ASIC1: variants seen among roughly 807,000 people sequenced by gnomAD.
The protein encoded by ASIC1 is acid sensing ion channel subunit 1, also known as acid-sensing ion channel 1.
ASIC1 carries 21 observed loss-of-function variants against 63.4 expected under a neutral mutation model. The ratio of observed to expected loss-of-function variants is 0.33; its 90% CI spans 0.23 to 0.48. ASIC1 has a LOEUF of 0.48. Among genes scored for constraint, ASIC1 ranks in the 20% least tolerant of loss-of-function variants. The probability of loss-of-function intolerance (pLI) is 0.99; values close to 1 mark genes in which losing one functional copy is unlikely to be tolerated. For missense variants in ASIC1, 478 were observed against 695.5 expected (o/e 0.69, Z 3.52); for synonymous variants, 258 against 278.2 (o/e 0.93, Z 0.72).
At chr12:50,064,511 T>A (rs1950529112) in intron 3 of ASIC1, among the ~76,000 whole-genome samples, 1 of 152,198 alleles carries the variant, frequency 6.6e-6, no homozygotes, top group Admixed American at 6.5e-5. Flanking sequence ...TCTAAGCTAA[T>A]TGACCTGGGG....
At position 50,059,830 on chromosome 12, in the gene ASIC1, G is replaced by T; in HGVS notation, c.434G>T (p.Arg145Leu). The change falls in exon 3 of 12, where the codon CGC becomes CTC. Residue 145 changes from arginine to leucine, a missense_variant. Physicochemically the swap from Arg to Leu is moderately radical, Grantham distance 102. Transcript: ENST00000447966. The surrounding 1 kb of genome is among the most constrained non-coding windows in gnomAD (Gnocchi z 4.6). ...ATACTGCAGGACAAAGCCAACTTCC[G>T]CAGCTTCAAACCCAAACCCTTCAAC... Reference protein sequence around the residue: ...LEILQDKANFRSFKPKPFNMR... With the variant: ...LEILQDKANFLSFKPKPFNMR... The T allele has an allele frequency of 6.2e-7, 1 of 1,614,146 alleles. No individual in the cohort carries two copies. Among genetic ancestry groups the T allele is most frequent in the African/African-American group, 1.3e-5 (1 of 75,028 alleles).
chr12:50,073,982 T>TC, intron 3 of ASIC1: 1 of 1,535,806 alleles, frequency 6.5e-7, no homozygotes, highest in Non-Finnish European at 8.7e-7. Flanking sequence ...GAGCTGGCCT[T>TC]CCCGGCAGTC....
chr12:50,062,495 G>C (rs1950509473), intron 3 of ASIC1, among the ~76,000 whole-genome samples: 1 of 152,338 alleles, frequency 6.6e-6, no homozygotes, highest in South Asian at 2.1e-4. Context: ...AGGCTTTGTG[G>C]TTAGGGCTTT....
At chr12:50,062,325 C>T (rs1239481688) in intron 3 of ASIC1, among the ~76,000 whole-genome samples, 1 of 152,210 alleles carries the variant, frequency 6.6e-6, no homozygotes, top group East Asian at 1.9e-4. Context: ...CTCTGCTAGG[C>T]CAAGAGGTGT....
intron 3 of ASIC1, among the ~76,000 whole-genome samples, chr12:50,060,198 C>G (rs1184546332): frequency 6.6e-6 from 1 of 152,222 alleles, no homozygotes; most frequent in Non-Finnish European, 1.5e-5. Flanking sequence ...GTGCACAACA[C>G]ACACATATAT....
intron 3 of ASIC1, 118 bp from the exon 4 acceptor site, chr12:50,077,095 C>T (rs576846713): frequency 6.0e-6 from 9 of 1,508,908 alleles, no homozygotes; most frequent in Admixed American, 1.7e-5. Context: ...ATGGGCTGCA[C>T]GGGAGGAACC....
intron 3 of ASIC1, among the ~76,000 whole-genome samples, chr12:50,072,581 A>G (rs925189460): frequency 6.6e-6 from 1 of 152,144 alleles, no homozygotes; most frequent in Non-Finnish European, 1.5e-5. Context: ...CCCCACCCCC[A>G]GCACTGATCT....
intron 3 of ASIC1, among the ~76,000 whole-genome samples, chr12:50,067,540 G>A (rs1950557742): frequency 6.6e-6 from 1 of 151,960 alleles, no homozygotes; most frequent in African/African-American, 2.4e-5. Flanking sequence ...CTCCTGAGTA[G>A]CTGGATTACA....
Position 50,081,732 on chromosome 12 carries a change from C to T in ASIC1, c.*83C>T. On this transcript the variant is annotated 3_prime_UTR_variant, in exon 12 of 12. Transcript: ENST00000447966. Reference sequence around the variant, plus strand: ...CCCCCAGCTGCCTCCTCACATCTGCCCTGGGGACTCCCCACACTCCGGGGC... The same window carrying T: ...CCCCCAGCTGCCTCCTCACATCTGCTCTGGGGACTCCCCACACTCCGGGGC... 1 of 1,254,206 alleles carries T rather than the reference C, an allele frequency of 8.0e-7. No homozygotes were observed. Among genetic ancestry groups the T allele is most frequent in the East Asian group, 2.5e-5 (1 of 39,920 alleles). The allele number at this position is 1,254,206 out of a possible 1,614,324, so 77.7% of individuals were successfully genotyped here. A position where few individuals can be genotyped will look rare whatever the true frequency, so the allele number is the denominator to read the frequency against.
At chr12:50,064,255 G>A (rs577761940) in intron 3 of ASIC1, among the ~76,000 whole-genome samples, 2 of 152,244 alleles carry the variant, frequency 1.3e-5, no homozygotes, top group East Asian at 3.9e-4. Flanking sequence ...CCTAGGAAGT[G>A]CCTAAACTGA....
intron 3 of ASIC1, among the ~76,000 whole-genome samples, chr12:50,066,405 T>A (rs1950546142): frequency 6.6e-6 from 1 of 151,984 alleles, no homozygotes; most frequent in African/African-American, 2.4e-5. Flanking sequence ...AGAAGCAGTG[T>A]GGAGAGGCAG....
At position 50,081,925 on chromosome 12, in the gene ASIC1, C is replaced by T; in HGVS notation, c.*276C>T. On this transcript the variant is annotated 3_prime_UTR_variant, in exon 12 of 12. Coordinates refer to ENST00000447966, the MANE Select transcript of ASIC1 (RefSeq NM_001095.4). ...CCCCTCTCTCCTCCATGCTGCCTCC[C>T]CTAGCTCCCAGCCTGAATTCTGTCT... 2 of 468,136 alleles carry T rather than the reference C, an allele frequency of 4.3e-6. No individual in the cohort carries two copies. The highest frequency in any genetic ancestry group is 2.6e-5 in the South Asian group (1 of 38,306). 29.0% of individuals were successfully genotyped at this position (468,136 alleles called of 1,614,324 possible).
At position 50,058,641 on chromosome 12, in the gene ASIC1, G is replaced by T; in HGVS notation, c.-16-110G>T. On this transcript the variant is annotated intron_variant, in intron 1 of 11. Coordinates refer to ENST00000447966, the MANE Select transcript of ASIC1 (RefSeq NM_001095.4). ...TGCAAAGCAGGGAAGTCTTCTGCCC[G>T]AGGAGTGGTGACCTCTGGAGATGAG... 5 of 1,372,280 alleles carry T rather than the reference G, an allele frequency of 3.6e-6. No homozygotes were observed. The South Asian group carries it at 7.4e-5, about 20-fold the overall frequency. 85.0% of individuals were successfully genotyped at this position (1,372,280 alleles called of 1,614,324 possible).
Position 50,078,347 on chromosome 12 carries a change from T to C in ASIC1, c.838-74T>C. 6.3e-7 allele frequency: 1 copy of C among 1,581,144 alleles called. No individual in the cohort carries two copies. Among genetic ancestry groups the C allele is most frequent in the Non-Finnish European group, 8.6e-7 (1 of 1,159,576 alleles). ...GAGCAGAACTCCAGAGATCTGCATC[T>C]TGTCAGAGGAGTCCATCAAGCTGAT... On this transcript the variant is annotated intron_variant, in intron 5 of 11. Coordinates refer to ENST00000447966, the MANE Select transcript of ASIC1 (RefSeq NM_001095.4). The surrounding 1 kb of genome is among the most constrained non-coding windows in gnomAD (Gnocchi z 6.0).
intron 7 of ASIC1, 36 bp downstream of exon 7, chr12:50,079,016 GA>G (rs1950687545): frequency 3.1e-6 from 5 of 1,603,646 alleles, no homozygotes; most frequent in Non-Finnish European, 3.4e-6. Flanking sequence ...CTGGGGGAGG[GA>G]AAAGGTGCTG....
At chr12:50,064,566 G>A (rs756210287) in intron 3 of ASIC1, among the ~76,000 whole-genome samples, 52 of 152,184 alleles carry the variant, frequency 3.4e-4, no homozygotes, top group Non-Finnish European at 1.8e-4. Flanking sequence ...AAGTGCCTCT[G>A]GGGGCCAAGC....
chr12:50,080,310 A>G, intron 8 of ASIC1, 188 bp from the exon 9 acceptor site: 1 of 766,650 alleles, frequency 1.3e-6, no homozygotes, highest in Admixed American at 2.6e-5. Context: ...TGCATACTGC[A>G]TATGGTACAG....
chr12:50,068,314 A>G (rs1410959680), intron 3 of ASIC1, among the ~76,000 whole-genome samples: 1 of 152,076 alleles, frequency 6.6e-6, no homozygotes, highest in Non-Finnish European at 1.5e-5. Flanking sequence ...CTTATCTATA[A>G]AGCTACTATG....
intron 3 of ASIC1, among the ~76,000 whole-genome samples, chr12:50,068,884 G>A (rs965288380): frequency 1.3e-5 from 2 of 152,062 alleles, no homozygotes; most frequent in Non-Finnish European, 2.9e-5. Context: ...TTTGGGCCAC[G>A]GCAATGGCTC....
Sources: gnomAD v4.1 joint callset for allele counts (sites outside exome capture counted in the v4.1 genomes callset) on GRCh38, gnomAD v4.1.1 for gene constraint, Gnocchi (gnomAD v3.1) non-coding constraint, MANE v1.5 for transcripts, NCBI Gene and HGNC (gene_info 2026-07-23, HGNC 2026-07-21) for gene names.